Variants in RANBP17 observed in about 807,000 individuals in gnomAD.
RANBP17 encodes ran-binding protein 17.
Under a neutral mutation model 141.2 loss-of-function variants are expected in RANBP17, and 158 were observed. That is an observed-to-expected ratio of 1.12 (90% CI 0.98 to 1.28). The LOEUF is 1.28. Ranked by LOEUF, RANBP17 falls within the 50% of genes most tolerant of loss-of-function variation. RANBP17 has a pLI of 0.00. For missense variants in RANBP17, 1,438 were observed against 1,290.7 expected, an observed-to-expected ratio of 1.11 and a Z score of -1.75; for synonymous variants, 430 against 450.0, an observed-to-expected ratio of 0.96 and a Z score of 0.56.
chr5:171,016,375 A>T (rs373592535), intron 14 of RANBP17, among the ~76,000 whole-genome samples: 5 of 152,066 alleles, frequency 3.3e-5, no homozygotes, highest in African/African-American at 1.2e-4. Context: ...CTTACATACC[A>T]TAAAGACATA....
rs1272545599 is a variant in RANBP17, at chr5:170,977,204, C to G, written c.1710+8827C>G. Among the ~76,000 whole-genome samples, 5 of 151,838 alleles carry G rather than the reference C, an allele frequency of 3.3e-5. No homozygotes were observed. The East Asian group carries it at 9.7e-4, about 29-fold the overall frequency. ...CAAAAGATCTAAACAGACATTTCTCCAAAGAAAATCTATGAATGGCCAACA... is the reference window on the plus strand; with the variant it reads ...CAAAAGATCTAAACAGACATTTCTCGAAAGAAAATCTATGAATGGCCAACA... On this transcript the variant is annotated intron_variant, in intron 14 of 27. Transcript: ENST00000523189.
chr5:171,142,900 G>T (rs879517852), intron 14 of RANBP17, among the ~76,000 whole-genome samples: 1 of 152,126 alleles, frequency 6.6e-6, no homozygotes, highest in Non-Finnish European at 1.5e-5. Flanking sequence ...AAGTACAGAG[G>T]CACATGAAAA....
At chr5:171,288,942 G>C (rs1768324970) in intron 25 of RANBP17, among the ~76,000 whole-genome samples, 2 of 152,180 alleles carry the variant, frequency 1.3e-5, no homozygotes, top group Non-Finnish European at 2.9e-5. Flanking sequence ...CCTTGCAAAT[G>C]AACAATGTAT....
rs1776292068 is a variant in RANBP17, at chr5:170,963,471, C to T, written c.1575-4771C>T. 1.3e-5 allele frequency among the ~76,000 whole-genome samples: 2 copies of T among 152,162 alleles called. 1 individual carries two copies. The highest frequency in any genetic ancestry group is 4.1e-4 in the South Asian group (2 of 4,824). ...AGAAAAACAATAACAAAAACTTCTG[C>T]ATGGCATTAAACATTATAAAGCAGT... On this transcript the variant is annotated intron_variant, in intron 13 of 27. Coordinates refer to ENST00000523189, the MANE Select transcript of RANBP17 (RefSeq NM_022897.5).
chr5:170,876,042 C>T (rs1232084475), intron 1 of RANBP17, among the ~76,000 whole-genome samples: 1 of 152,114 alleles, frequency 6.6e-6, no homozygotes, highest in African/African-American at 2.4e-5. Flanking sequence ...CACTTCAGGC[C>T]TTGTTAGTCT....
intron 12 of RANBP17, among the ~76,000 whole-genome samples, chr5:170,937,231 T>C (rs1029200610): frequency 2.6e-5 from 4 of 152,232 alleles, no homozygotes; most frequent in African/African-American, 7.2e-5. Flanking sequence ...CCACAAACCA[T>C]GTGAGGTCTG....
chr5:171,054,270 A>G (rs902945800), intron 14 of RANBP17, among the ~76,000 whole-genome samples: 8 of 152,136 alleles, frequency 5.3e-5, no homozygotes, highest in Admixed American at 4.6e-4. Flanking sequence ...GGAATAAAGA[A>G]TGACTACTCC....
At chr5:171,261,581 T>G (rs1210657924) in intron 24 of RANBP17, among the ~76,000 whole-genome samples, 1 of 152,234 alleles carries the variant, frequency 6.6e-6, no homozygotes, top group Non-Finnish European at 1.5e-5. Flanking sequence ...CAGTAGGCTA[T>G]TAATGATGCA....
chr5:171,297,784 C>G (rs1768907506), intron 27 of RANBP17, among the ~76,000 whole-genome samples: 1 of 150,952 alleles, frequency 6.6e-6, no homozygotes, highest in African/African-American at 2.4e-5. Context: ...TTTCCGTGTA[C>G]CAGGCACTGT....
rs568622128 is a variant in RANBP17 at position 171,194,860 on chromosome 5, AAAT to A, written c.2039-4804_2039-4802del. 1.7e-3 allele frequency among the ~76,000 whole-genome samples: 265 copies of A among 152,340 alleles called. 1 individual carries two copies. The highest frequency in any genetic ancestry group is 5.6e-3 in the African/African-American group (233 of 41,580). On this transcript the variant is annotated intron_variant, in intron 18 of 27. Transcript: ENST00000523189. Reference sequence around the variant, plus strand: ...ACCCCTGGAGGTTTTAAATTGTACAAAATAATAAATGAAATGTCCTACAAACAA... The same window carrying A: ...ACCCCTGGAGGTTTTAAATTGTACAAAATAAATGAAATGTCCTACAAACAA...
intron 14 of RANBP17, among the ~76,000 whole-genome samples, chr5:171,167,797 T>C (rs1759806507): frequency 2.0e-5 from 3 of 152,166 alleles, no homozygotes; most frequent in Non-Finnish European, 4.4e-5. Context: ...TTTAAGGATC[T>C]CTTGACAGGG....
At chr5:171,154,934 G>A (rs920689629) in intron 14 of RANBP17, among the ~76,000 whole-genome samples, 3 of 151,450 alleles carry the variant, frequency 2.0e-5, no homozygotes, top group African/African-American at 7.3e-5. Flanking sequence ...AAAATTAGCC[G>A]GGCATGGTGG....
chr5:171,079,392 A>T (rs916488588), intron 14 of RANBP17, among the ~76,000 whole-genome samples: 1 of 152,252 alleles, frequency 6.6e-6, no homozygotes, highest in Non-Finnish European at 1.5e-5. Context: ...ATTACATAAC[A>T]TTAGTTGATA....
At chr5:171,273,523 C>T (rs143357411) in intron 25 of RANBP17, among the ~76,000 whole-genome samples, 2 of 152,276 alleles carry the variant, frequency 1.3e-5, no homozygotes, top group African/African-American at 4.8e-5. Context: ...CTAATTGTTG[C>T]CTTATAAGAA....
At chr5:171,218,616 T>C (rs1763366222) in intron 21 of RANBP17, among the ~76,000 whole-genome samples, 2 of 152,212 alleles carry the variant, frequency 1.3e-5, no homozygotes, top group South Asian at 4.1e-4. Flanking sequence ...ATATTTACGT[T>C]AGCTCTTCAC....
chr5:171,045,876 C>T (rs1217407490), intron 14 of RANBP17, among the ~76,000 whole-genome samples: 1 of 152,080 alleles, frequency 6.6e-6, no homozygotes, highest in African/African-American at 2.4e-5. Context: ...TCACATCTTC[C>T]CTCTGTCCCT....
intron 22 of RANBP17, 42 bp downstream of exon 22, chr5:171,221,882 A>G: frequency 9.0e-7 from 1 of 1,106,946 alleles, no homozygotes; most frequent in Non-Finnish European, 1.4e-6. Context: ...ATATAGTTTT[A>G]TCTCTTTAGA....
At position 171,205,588 on chromosome 5, in the gene RANBP17, G is replaced by A. The variant is rs1219319853; in HGVS notation, c.2207G>A (p.Ser736Asn). 1 of 1,613,734 alleles carries A rather than the reference G, an allele frequency of 6.2e-7. No homozygotes were observed. The highest frequency in any genetic ancestry group is 1.3e-5 in the African/African-American group (1 of 74,898). The stretch of plus-strand genomic sequence containing the variant: ...GCCTTTGCACTGAACACAAAGACCA[G>A]CTACACCATGCTGTTTGACTGGATG... The part of the protein sequence containing the change: ...GIAFALNTKT[S>N]YTMLFDWMYP... The change falls in exon 20 of 28, where the codon AGC (serine) becomes AAC (asparagine). Residue 736 changes from serine to asparagine, a missense_variant. By Grantham distance (46) the Ser-to-Asn change is conservative (BLOSUM62 1). Transcript: ENST00000523189.
At chr5:170,955,458 A>C (rs1328600713) in intron 13 of RANBP17, among the ~76,000 whole-genome samples, 1 of 66,646 alleles carries the variant, frequency 1.5e-5, no homozygotes, top group Non-Finnish European at 3.3e-5. Flanking sequence ...CTCAGTATAT[A>C]TATATATCTA....
Sources: gnomAD v4.1 joint callset for allele counts (sites outside exome capture counted in the v4.1 genomes callset) on GRCh38, gnomAD v4.1.1 for gene constraint, MANE v1.5 for transcripts, NCBI Gene and HGNC (gene_info 2026-07-23, HGNC 2026-07-21) for gene names.